Variants in SLC39A3 observed in about 807,000 individuals in gnomAD.
SLC39A3 encodes zinc transporter ZIP3.
A neutral mutation model predicts 5.1 loss-of-function variants in SLC39A3; 3 were observed. The observed-to-expected ratio is 0.59, with a 90% CI of 0.27 to 1.54. The LOEUF is 1.54. Among genes scored for constraint, SLC39A3 ranks in the 40% most tolerant of loss-of-function variants. SLC39A3 has a pLI of 0.12. For missense variants in SLC39A3, 412 were observed against 436.4 expected, an observed-to-expected ratio of 0.94 and a Z score of 0.50; for synonymous variants, 250 against 218.8, an observed-to-expected ratio of 1.14 and a Z score of -1.26.
rs1914268682 is a variant in SLC39A3, at chr19:2,733,633, C to T, written c.211-148G>A. On this transcript the variant is annotated intron_variant, in intron 2 of 2. Coordinates refer to ENST00000269740, the MANE Select transcript of SLC39A3 (RefSeq NM_144564.5). The surrounding 1 kb of genome is among the most constrained non-coding windows in gnomAD (Gnocchi z 6.1). ...AACAAGTGGGAGAGGAAGGGCTCGC[C>T]TGTGATGAATTAACACCACCACCAC... 2 of 1,093,488 alleles carry T rather than the reference C, an allele frequency of 1.8e-6. No individual in the cohort carries two copies. Among genetic ancestry groups the T allele is most frequent in the Admixed American group, 5.8e-5 (2 of 34,492 alleles). The allele number at this position is 1,093,488 out of a possible 1,614,324, so 67.7% of individuals were successfully genotyped here. A position where few individuals can be genotyped will look rare whatever the true frequency, so the allele number is the denominator to read the frequency against.
In SLC39A3 at chr19:2,734,724, C is replaced by T. The variant is rs138345375; in HGVS notation, c.211-1239G>A. The stretch of plus-strand genomic sequence containing the variant: ...TGTCCCCAGGCATCGCCCAGTGTTC[C>T]CTGGGGGCAGTTCACGCTGGGTGAG... On this transcript the variant is annotated intron_variant, in intron 2 of 2. Coordinates refer to ENST00000269740, the MANE Select transcript of SLC39A3 (RefSeq NM_144564.5). This position sits in a 1 kb window ranked among gnomAD's most constrained non-coding sequence, Gnocchi z 4.6. The T allele has an allele frequency of 8.5e-5, 84 of 985,220 alleles. No homozygotes were observed. In the East Asian group the frequency reaches 8.9e-3, roughly 104 times the overall value. 61.0% of individuals were successfully genotyped at this position (985,220 alleles called of 1,614,324 possible). A position where few individuals can be genotyped will look rare whatever the true frequency, so the allele number is the denominator to read the frequency against.
chr19:2,735,027 CAGG>C lies in SLC39A3; in HGVS notation c.211-1545_211-1543del, dbSNP rs775738407. On this transcript the variant is annotated intron_variant, in intron 2 of 2. Transcript: ENST00000269740. The surrounding 1 kb of genome is among the most constrained non-coding windows in gnomAD (Gnocchi z 5.7). ...CTCATCCGCCTGACCAGCCCGAGGA[CAGG>C]AGAACGGCGGGAAAGGTTTGGGTGC... 3.1e-5 allele frequency: 31 copies of C among 985,406 alleles called. No individual in the cohort carries two copies. Among genetic ancestry groups the C allele is most frequent in the Non-Finnish European group, 3.5e-5 (29 of 829,960 alleles). The allele number at this position is 985,406 out of a possible 1,614,324, so 61.0% of individuals were successfully genotyped here.
chr19:2,735,511 G>A lies in SLC39A3; in HGVS notation c.210+1537C>T, dbSNP rs151008096. 0.01 allele frequency: 1,592 copies of A among 154,022 alleles called. 12 individuals carry two copies. Among genetic ancestry groups the A allele is most frequent in the Middle Eastern group, 0.044 (13 of 298 alleles). 9.5% of individuals were successfully genotyped at this position (154,022 alleles called of 1,614,324 possible). A position where few individuals can be genotyped will look rare whatever the true frequency, so the allele number is the denominator to read the frequency against. On this transcript the variant is annotated intron_variant, in intron 2 of 2. Coordinates refer to ENST00000269740, the MANE Select transcript of SLC39A3 (RefSeq NM_144564.5). This position sits in a 1 kb window ranked among gnomAD's most constrained non-coding sequence, Gnocchi z 5.7. ...GTTGGCGGGGATGGCTCTTGGCACC[G>A]AGAGGCTGCCCTCGGGTCCTCGCTT...
chr19:2,736,648 T>C (rs977458593), intron 2 of SLC39A3: 6 of 1,085,138 alleles, frequency 5.5e-6, no homozygotes, highest in Non-Finnish European at 7.1e-6. Context: ...TCACAGAAAC[T>C]GTGAGATGAT....
rs770734927 is a variant in SLC39A3 at position 2,732,976 on chromosome 19, G to T, written c.720C>A (p.Ile240=). ...AKLAVTVSAM[I]PLGIGLGLGI... Reference sequence around the variant, plus strand: ...CCAGGCCCAGGCCGATGCCCAGGGGGATCATGGCGCTTACGGTGACCGCCA... The same window carrying T: ...CCAGGCCCAGGCCGATGCCCAGGGGTATCATGGCGCTTACGGTGACCGCCA... Residue 240 remains isoleucine, a synonymous_variant, in exon 3 of 3, where the codon ATC becomes ATA. Coordinates refer to ENST00000269740, the MANE Select transcript of SLC39A3 (RefSeq NM_144564.5). 6.2e-7 allele frequency: 1 copy of T among 1,602,100 alleles called. No homozygotes were observed. The highest frequency in any genetic ancestry group is 1.3e-5 in the African/African-American group (1 of 74,420).
Position 2,732,925 on chromosome 19 carries a change from C to T in SLC39A3, c.771G>A (p.Pro257=), listed in dbSNP as rs573222383. 69 of 1,610,000 alleles carry T rather than the reference C, an allele frequency of 4.3e-5. 2 individuals are homozygous for T. Among genetic ancestry groups the T allele is most frequent in the Admixed American group, 1.8e-4 (11 of 59,796 alleles). ...GLGIESAQGV[P]GSVASVLLQG... ...GCAGCAGCACGGACGCCACGCTGCC[C>T]GGCACGCCCTGGGCGCTCTCAATGC... The change falls in exon 3 of 3, where the codon CCG becomes CCA. Residue 257 remains proline (P), a synonymous_variant. Transcript: ENST00000269740.
Position 2,732,704 on chromosome 19 carries a change from C to G in SLC39A3, c.*47G>C. 1.3e-6 allele frequency: 2 copies of G among 1,502,904 alleles called. No individual in the cohort carries two copies. Among genetic ancestry groups the G allele is most frequent in the Non-Finnish European group, 1.8e-6 (2 of 1,127,736 alleles). The allele number at this position is 1,502,904 out of a possible 1,614,324, so 93.1% of individuals were successfully genotyped here. ...CCGGGGGACGCGGCCTGTGTCCGGC[C>G]CGGGGCTCCCGGCGGGCTCCGGCGG... On this transcript the variant is annotated 3_prime_UTR_variant, in exon 3 of 3. Transcript: ENST00000269740.
chr19:2,736,344 GGA>G (rs1914367374), intron 2 of SLC39A3: 1 of 238,516 alleles, frequency 4.2e-6, no homozygotes, highest in Non-Finnish European at 6.8e-6. Flanking sequence ...GCATGACATG[GGA>G]CTGTGCCCTC....
Position 2,733,503 on chromosome 19 carries a change from CGAGA to C in SLC39A3, c.211-22_211-19del, listed in dbSNP as rs139950756. The C allele has an allele frequency of 4.1e-5, 64 of 1,572,804 alleles. 1 individual carries two copies. The highest frequency in any genetic ancestry group is 5.2e-5 in the Non-Finnish European group (60 of 1,154,892). ...TTCTGGAGCTGCAGCCGGGGACACC[CGAGA>C]GAGAGAGAGAGACCCACGCTCAGGG... On this transcript the variant is annotated intron_variant, in intron 2 of 2. Coordinates refer to ENST00000269740, the MANE Select transcript of SLC39A3 (RefSeq NM_144564.5). This position sits in a 1 kb window ranked among gnomAD's most constrained non-coding sequence, Gnocchi z 6.1.
rs576365601 is a variant in SLC39A3, at chr19:2,734,815, C to G, written c.211-1330G>C. The G allele has an allele frequency of 1.0e-6, 1 of 985,518 alleles. No individual in the cohort carries two copies. Among genetic ancestry groups the G allele is most frequent in the African/African-American group, 1.7e-5 (1 of 57,378 alleles). 61.0% of individuals were successfully genotyped at this position (985,518 alleles called of 1,614,324 possible). On this transcript the variant is annotated intron_variant, in intron 2 of 2. Coordinates refer to ENST00000269740, the MANE Select transcript of SLC39A3 (RefSeq NM_144564.5). The surrounding 1 kb of genome is among the most constrained non-coding windows in gnomAD (Gnocchi z 4.6). The stretch of plus-strand genomic sequence containing the variant: ...ACTTAACTCCCTCACTGACCACCGG[C>G]TGGAGGCCTCATGCATGCCTCGCTT...
Position 2,735,982 on chromosome 19 carries a change from TCCA to T in SLC39A3, c.210+1063_210+1065del, listed in dbSNP as rs1914354542. The T allele has an allele frequency of 1.0e-5, 10 of 985,352 alleles. No homozygotes were observed. The highest frequency in any genetic ancestry group is 1.0e-3 in the Middle Eastern group (2 of 1,914). The allele number at this position is 985,352 out of a possible 1,614,324, so 61.0% of individuals were successfully genotyped here. On this transcript the variant is annotated intron_variant, in intron 2 of 2. Coordinates refer to ENST00000269740, the MANE Select transcript of SLC39A3 (RefSeq NM_144564.5). This position sits in a 1 kb window ranked among gnomAD's most constrained non-coding sequence, Gnocchi z 5.7. ...AGGAAGAACAGGGGGTCCTCATATC[TCCA>T]CCAAGTATGTAACCAACACAAATTC...
chr19:2,733,506 G>A lies in SLC39A3; in HGVS notation c.211-21C>T. On this transcript the variant is annotated intron_variant, in intron 2 of 2. Transcript: ENST00000269740. This position sits in a 1 kb window ranked among gnomAD's most constrained non-coding sequence, Gnocchi z 6.1. ...TGGAGCTGCAGCCGGGGACACCCGA[G>A]AGAGAGAGAGAGACCCACGCTCAGG... 1 of 1,575,706 alleles carries A rather than the reference G, an allele frequency of 6.3e-7. No individual in the cohort carries two copies. Among genetic ancestry groups the A allele is most frequent in the Non-Finnish European group, 8.6e-7 (1 of 1,157,054 alleles).
At position 2,735,256 on chromosome 19, in the gene SLC39A3, G is replaced by C. The variant is rs568689902; in HGVS notation, c.211-1771C>G. 5.1e-6 allele frequency: 5 copies of C among 980,084 alleles called. No individual in the cohort carries two copies. Among genetic ancestry groups the C allele is most frequent in the African/African-American group, 3.5e-5 (2 of 57,286 alleles). The allele number at this position is 980,084 out of a possible 1,614,324, so 60.7% of individuals were successfully genotyped here. ...GCAGATGTCAGTCTTCACACACCGC[G>C]TAACGAACGAATGCAGACTCAGCCA... On this transcript the variant is annotated intron_variant, in intron 2 of 2. Coordinates refer to ENST00000269740, the MANE Select transcript of SLC39A3 (RefSeq NM_144564.5). This position sits in a 1 kb window ranked among gnomAD's most constrained non-coding sequence, Gnocchi z 5.7.
In SLC39A3 at chr19:2,734,935, C is replaced by A; in HGVS notation, c.211-1450G>T. 3 of 985,500 alleles carry A rather than the reference C, an allele frequency of 3.0e-6. No individual in the cohort carries two copies. The highest frequency in any genetic ancestry group is 9.4e-5 in the South Asian group (2 of 21,288). 61.0% of individuals were successfully genotyped at this position (985,500 alleles called of 1,614,324 possible). A position where few individuals can be genotyped will look rare whatever the true frequency, so the allele number is the denominator to read the frequency against. Reference sequence around the variant, plus strand: ...TGCACGGGAGCTGTGAACCAGGCACCATTTTCCAGGGGTGACTGAGAGCCT... The same window carrying A: ...TGCACGGGAGCTGTGAACCAGGCACAATTTTCCAGGGGTGACTGAGAGCCT... On this transcript the variant is annotated intron_variant, in intron 2 of 2. Transcript: ENST00000269740. The surrounding 1 kb of genome is among the most constrained non-coding windows in gnomAD (Gnocchi z 4.6).
Position 2,734,641 on chromosome 19 carries a change from G to C in SLC39A3, c.211-1156C>G. The C allele has an allele frequency of 1.4e-6, 1 of 716,540 alleles. No homozygotes were observed. The highest frequency in any genetic ancestry group is 1.7e-6 in the Non-Finnish European group (1 of 584,234). The allele number at this position is 716,540 out of a possible 1,614,324, so 44.4% of individuals were successfully genotyped here. A position where few individuals can be genotyped will look rare whatever the true frequency, so the allele number is the denominator to read the frequency against. ...GGGCACTGCAGGGTGCTGCTGAGCA[G>C]TGTCTCTGGCCTCCACCCACTCCAG... is the stretch of plus-strand genomic sequence containing the variant. On this transcript the variant is annotated intron_variant, in intron 2 of 2. Coordinates refer to ENST00000269740, the MANE Select transcript of SLC39A3 (RefSeq NM_144564.5). The surrounding 1 kb of genome is among the most constrained non-coding windows in gnomAD (Gnocchi z 4.6).
In SLC39A3 at chr19:2,735,108, G is replaced by A. The variant is rs1012497060; in HGVS notation, c.211-1623C>T. The A allele has an allele frequency of 3.2e-5, 32 of 985,152 alleles. No individual in the cohort carries two copies. The highest frequency in any genetic ancestry group is 2.3e-4 in the South Asian group (5 of 21,280). 61.0% of individuals were successfully genotyped at this position (985,152 alleles called of 1,614,324 possible). A position where few individuals can be genotyped will look rare whatever the true frequency, so the allele number is the denominator to read the frequency against. On this transcript the variant is annotated intron_variant, in intron 2 of 2. Transcript: ENST00000269740. The surrounding 1 kb of genome is among the most constrained non-coding windows in gnomAD (Gnocchi z 5.7). ...AGGGAAGAGCAAGCTCCCCGCAGTC[G>A]CCCAGGCCTGCAGTCAGAGGGTGAC...
In SLC39A3 at chr19:2,737,031, G is replaced by C; in HGVS notation, c.210+17C>G. The C allele has an allele frequency of 6.2e-7, 1 of 1,613,874 alleles. No individual in the cohort carries two copies. On this transcript the variant is annotated intron_variant, in intron 2 of 2. Transcript: ENST00000269740. The stretch of plus-strand genomic sequence containing the variant: ...TAAGGTGCCAAGGGCTGCTGCTAGT[G>C]CCCAGGGAGCCCTTACCTTTTCCCT...
At position 2,733,375 on chromosome 19, in the gene SLC39A3, G is replaced by A. The variant is rs368371413; in HGVS notation, c.321C>T (p.Thr107=). The A allele has an allele frequency of 1.9e-6, 3 of 1,613,266 alleles. No homozygotes were observed. The highest frequency in any genetic ancestry group is 1.3e-5 in the African/African-American group (1 of 75,066). The change falls in exon 3 of 3, where the codon ACC becomes ACT. Residue 107 remains threonine, a synonymous_variant. Coordinates refer to ENST00000269740, the MANE Select transcript of SLC39A3 (RefSeq NM_144564.5). This position sits in a 1 kb window ranked among gnomAD's most constrained non-coding sequence, Gnocchi z 6.1. ...MTVFLEQLIL[T]FRKEKPSFID... ...TGAAGGACGGCTTCTCCTTGCGGAA[G>A]GTCAGGATCAGCTGCTCCAGGAAGA...
intron 2 of SLC39A3, 56 bp downstream of exon 2, chr19:2,736,992 G>C: frequency 1.2e-6 from 2 of 1,608,134 alleles, no homozygotes; most frequent in Non-Finnish European, 1.7e-6. Flanking sequence ...AAATGCATCA[G>C]AGTCCCTTGG....
Sources: gnomAD v4.1 joint callset for allele counts on GRCh38, gnomAD v4.1.1 for gene constraint, Gnocchi (gnomAD v3.1) non-coding constraint, MANE v1.5 for transcripts, NCBI Gene and HGNC (gene_info 2026-07-23, HGNC 2026-07-21) for gene names.